SAYSD1: variants seen among roughly 807,000 people sequenced by gnomAD.
The protein encoded by SAYSD1 is SAYSVFN motif domain containing 1.
A neutral mutation model predicts 14.5 loss-of-function variants in SAYSD1; 15 were observed. The observed-to-expected ratio is 1.03, with a 90% CI of 0.69 to 1.59. The LOEUF (loss-of-function observed/expected upper bound fraction) is 1.59. Ranked by LOEUF, SAYSD1 falls within the 40% of genes most tolerant of loss-of-function variation. SAYSD1 has a pLI of 0.00. For missense variants in SAYSD1, 247 were observed against 227.3 expected, an observed-to-expected ratio of 1.09 and a Z score of -0.56; for synonymous variants, 105 against 102.6, an observed-to-expected ratio of 1.02 and a Z score of -0.14.
At chr6:39,108,614 C>G (rs1323623086) in intron 1 of SAYSD1, among the ~76,000 whole-genome samples, 1 of 152,170 alleles carries the variant, frequency 6.6e-6, no homozygotes, top group Non-Finnish European at 1.5e-5. Flanking sequence ...CCTCAAATAT[C>G]AAGCTGCTTC....
intron 1 of SAYSD1, chr6:39,109,411 G>C: frequency 1.3e-6 from 2 of 1,543,238 alleles, no homozygotes; most frequent in Non-Finnish European, 1.8e-6. Flanking sequence ...GGAGGATGTA[G>C]ATACTTCCTC....
At chr6:39,107,969 C>T (rs1769536602) in intron 1 of SAYSD1, among the ~76,000 whole-genome samples, 1 of 152,046 alleles carries the variant, frequency 6.6e-6, no homozygotes, top group Non-Finnish European at 1.5e-5. Context: ...AGGGAACTAA[C>T]CAAAAGCATG....
Position 39,106,468 on chromosome 6 carries a change from AGT to A in SAYSD1, c.208-694_208-693del, listed in dbSNP as rs1296541678. On this transcript the variant is annotated intron_variant, in intron 1 of 1. Transcript: ENST00000229903. ...CTCAAACCTGGGAGGCGGAGGCTGC[AGT>A]GAGCTGAGATTGCACCACCACACTC... 3.3e-5 allele frequency among the ~76,000 whole-genome samples: 5 copies of A among 152,126 alleles called. 1 individual carries two copies.
rs1324873328 is a variant in SAYSD1 at position 39,105,331 on chromosome 6, C to A, written c.*101G>T. The A allele has an allele frequency of 9.6e-6, 9 of 933,776 alleles. No homozygotes were observed. Among genetic ancestry groups the A allele is most frequent in the Admixed American group, 2.2e-5 (1 of 45,664 alleles). The allele number at this position is 933,776 out of a possible 1,614,324, so 57.8% of individuals were successfully genotyped here. A position where few individuals can be genotyped will look rare whatever the true frequency, so the allele number is the denominator to read the frequency against. ...AAAAACTATGCAGTCACAGAGCTAA[C>A]CCGCAAGCTGCCCTTAGTCCTATAC... is the stretch of plus-strand genomic sequence containing the variant. On this transcript the variant is annotated 3_prime_UTR_variant, in exon 2 of 2. Coordinates refer to ENST00000229903, the MANE Select transcript of SAYSD1 (RefSeq NM_018322.3).
Position 39,114,871 on chromosome 6 carries a change from C to A in SAYSD1, c.207+12G>T, listed in dbSNP as rs1371838826. The stretch of plus-strand genomic sequence containing the variant: ...AGGCCAGGTCCTAGGGCCGAAGTTT[C>A]CATCGTCTCACCTGAACTAGGCCGG... On this transcript the variant is annotated intron_variant, in intron 1 of 1. Transcript: ENST00000229903. 6.2e-7 allele frequency: 1 copy of A among 1,609,180 alleles called. No homozygotes were observed. Among genetic ancestry groups the A allele is most frequent in the East Asian group, 2.2e-5 (1 of 44,778 alleles).
At chr6:39,109,399 A>C in intron 1 of SAYSD1, 1 of 1,549,908 alleles carries the variant, frequency 6.5e-7, no homozygotes, top group Non-Finnish European at 8.7e-7. Context: ...TGGTAGTGGG[A>C]AGGAGGATGT....
chr6:39,113,381 C>T (rs1419424982), intron 1 of SAYSD1: 1 of 152,534 alleles, frequency 6.6e-6, no homozygotes, highest in Non-Finnish European at 1.5e-5. Flanking sequence ...AATTGTCTGA[C>T]ATGAATTGTA....
In SAYSD1 at chr6:39,115,173, G is replaced by A. The variant is rs1769726104; in HGVS notation, c.-84C>T. On this transcript the variant is annotated 5_prime_UTR_variant, in exon 1 of 2. Transcript: ENST00000229903. ...AGTTGCCTCCGCTCGGCCCGCGCCG[G>A]CCGCCGTGCGCCTGCGTGGCAGAAG... is the stretch of plus-strand genomic sequence containing the variant. The A allele has an allele frequency of 3.9e-6, 5 of 1,284,818 alleles. No individual in the cohort carries two copies. The highest frequency in any genetic ancestry group is 5.2e-6 in the Non-Finnish European group (5 of 962,434). 79.6% of individuals were successfully genotyped at this position (1,284,818 alleles called of 1,614,324 possible). A position where few individuals can be genotyped will look rare whatever the true frequency, so the allele number is the denominator to read the frequency against.
intron 1 of SAYSD1, among the ~76,000 whole-genome samples, chr6:39,108,159 A>G (rs1769538823): frequency 6.6e-6 from 1 of 152,196 alleles, no homozygotes; most frequent in African/African-American, 2.4e-5. Context: ...TAAAAAGAAG[A>G]ATGTTCCTAT....
At chr6:39,107,696 G>C (rs535701684) in intron 1 of SAYSD1, among the ~76,000 whole-genome samples, 1 of 152,278 alleles carries the variant, frequency 6.6e-6, no homozygotes, top group East Asian at 1.9e-4. Flanking sequence ...AAGTCTGATT[G>C]GAGAGGCCCT....
At position 39,105,403 on chromosome 6, in the gene SAYSD1, G is replaced by T. The variant is rs977962627; in HGVS notation, c.*29C>A. On this transcript the variant is annotated 3_prime_UTR_variant, in exon 2 of 2. Transcript: ENST00000229903. ...CAATGGTGAGGAAGACCACATCAGA[G>T]GTTAGCTGCATGACAGCACAGCTGG... 3 of 1,590,514 alleles carry T rather than the reference G, an allele frequency of 1.9e-6. No homozygotes were observed. In the African/African-American group the frequency reaches 4.0e-5, roughly 21 times the overall value.
chr6:39,111,179 G>A (rs1769618616), intron 1 of SAYSD1: 1 of 152,058 alleles, frequency 6.6e-6, no homozygotes, highest in Admixed American at 6.6e-5. Context: ...ATAGTAAATG[G>A]AAAGGGAGAA....
chr6:39,109,952 A>G (rs1416947869), intron 1 of SAYSD1, among the ~76,000 whole-genome samples: 5 of 152,050 alleles, frequency 3.3e-5, no homozygotes, highest in African/African-American at 1.2e-4. Flanking sequence ...GTGTATATAT[A>G]CTACAGTTTC....
At chr6:39,108,370 G>C (rs139683343) in intron 1 of SAYSD1, among the ~76,000 whole-genome samples, 1 of 142,198 alleles carries the variant, frequency 7.0e-6, no homozygotes, top group African/African-American at 2.6e-5. Context: ...TTAATTAGGG[G>C]CCTTTATGGG....
intron 1 of SAYSD1, chr6:39,109,643 G>A: frequency 5.0e-6 from 6 of 1,198,404 alleles, no homozygotes; most frequent in Non-Finnish European, 6.3e-6. Flanking sequence ...AGGAGATAAA[G>A]TTTTTGGAAT....
At chr6:39,106,127 A>C (rs1452341421) in intron 1 of SAYSD1, among the ~76,000 whole-genome samples, 1 of 152,234 alleles carries the variant, frequency 6.6e-6, no homozygotes, top group Non-Finnish European at 1.5e-5. Flanking sequence ...AGTCATGACA[A>C]ATGCTTCAAA....
At chr6:39,109,764 T>G (rs1769591171) in intron 1 of SAYSD1, 1 of 243,246 alleles carries the variant, frequency 4.1e-6, no homozygotes, top group Non-Finnish European at 6.6e-6. Context: ...GATGACAGGA[T>G]TTCCCAAAGC....
In SAYSD1 at chr6:39,115,086, C is replaced by T. The variant is rs777136738; in HGVS notation, c.4G>A (p.Glu2Lys). M[E>K]QRLAEFRAAR... ...GCCCGAAACTCAGCTAACCGCTGTTCCATGGCGCGCGCCTCGCGTCCGTTG... is the reference window on the plus strand; with the variant it reads ...GCCCGAAACTCAGCTAACCGCTGTTTCATGGCGCGCGCCTCGCGTCCGTTG... Residue 2 changes from glutamate to lysine, a missense_variant, in exon 1 of 2, where the codon GAA (glutamate) becomes AAA (lysine). Glu to Lys is a moderately conservative substitution (Grantham distance 56, BLOSUM62 1). Coordinates refer to ENST00000229903, the MANE Select transcript of SAYSD1 (RefSeq NM_018322.3). 6.2e-7 allele frequency: 1 copy of T among 1,601,994 alleles called. No homozygotes were observed. Among genetic ancestry groups the T allele is most frequent in the Non-Finnish European group, 8.5e-7 (1 of 1,177,224 alleles).
In SAYSD1 at chr6:39,114,939, AC is replaced by A; in HGVS notation, c.150del (p.Phe51SerfsTer17). Reference protein sequence around the residue: ...TLKAAPGWLKRFLVWKPRPAS... With the variant: ...TLKAAPGWLKXFLVWKPRPAS... ...GCGGGCCTAGGTTTCCATACCAGGAACCGCTTTAGCCAGCCTGGGGCTGCCT... is the reference window on the plus strand; with the variant it reads ...GCGGGCCTAGGTTTCCATACCAGGAACGCTTTAGCCAGCCTGGGGCTGCCT... On this transcript the variant is annotated frameshift_variant, in exon 1 of 2. Coordinates refer to ENST00000229903, the MANE Select transcript of SAYSD1 (RefSeq NM_018322.3). LOFTEE classifies it high-confidence loss of function. 6.2e-7 allele frequency: 1 copy of A among 1,613,676 alleles called. No homozygotes were observed. The highest frequency in any genetic ancestry group is 8.5e-7 in the Non-Finnish European group (1 of 1,179,884).
Sources: gnomAD v4.1 joint callset for allele counts (sites outside exome capture counted in the v4.1 genomes callset) on GRCh38, gnomAD v4.1.1 for gene constraint, MANE v1.5 for transcripts, NCBI Gene and HGNC (gene_info 2026-07-23, HGNC 2026-07-21) for gene names.